The following EPX variants were observed in gnomAD, a reference collection of about 807,000 sequenced individuals.
The protein encoded by EPX is eosinophil peroxidase.
A neutral mutation model predicts 73.0 loss-of-function variants in EPX; 60 were observed. The observed-to-expected ratio is 0.82, with a 90% CI of 0.67 to 1.02. The LOEUF (loss-of-function observed/expected upper bound fraction) is 1.02, where lower values mean the gene tolerates loss of function less well. EPX is among the 50% of genes least tolerant of loss of function. The pLI, the probability that EPX is intolerant of heterozygous loss-of-function variation, is 0.00. For synonymous variants in EPX, 347 were observed against 389.2 expected (o/e 0.89, Z 1.28); for missense variants, 950 against 973.9 (o/e 0.98, Z 0.33).
chr17:58,193,807 C>T lies in EPX; in HGVS notation c.440C>T (p.Thr147Ile), dbSNP rs141038476. 6.8e-6 allele frequency: 11 copies of T among 1,613,296 alleles called. No individual in the cohort carries two copies. Among genetic ancestry groups the T allele is most frequent in the Non-Finnish European group, 8.5e-7 (1 of 1,179,610 alleles). The stretch of plus-strand genomic sequence containing the variant: ...GAGCGCTGCAGCGACAAGTACCGCA[C>T]CATCACTGGACGGTGCAACAACAAG... ...QAERCSDKYR[T>I]ITGRCNNKRR... The change falls in exon 4 of 13, where the codon ACC becomes ATC. Residue 147 changes from threonine (T) to isoleucine (I), a missense_variant. Thr to Ile is a moderately conservative substitution (Grantham distance 89). Transcript: ENST00000225371.
At chr17:58,193,874 C>T in intron 4 of EPX, 43 bp downstream of exon 4, 1 of 1,600,468 alleles carries the variant, frequency 6.2e-7, no homozygotes, top group Non-Finnish European at 8.6e-7. Context: ...GCCTGGGGGA[C>T]CTCTCCCTTC....
intron 11 of EPX, 74 bp from the exon 12 acceptor site, chr17:58,204,148 C>T (rs1457100266): frequency 2.0e-6 from 2 of 987,722 alleles, no homozygotes; most frequent in East Asian, 2.4e-5. Flanking sequence ...TGTAAAGTAC[C>T]TGGCACACAA....
Position 58,199,723 on chromosome 17 carries a change from G to T in EPX, c.1466G>T (p.Arg489Leu), listed in dbSNP as rs370170164. ...ATGTTCCGCTTGGACAGTCAGTACCGGGCCTCCGCACCCAACTCGCATGTC... is the reference window on the plus strand; with the variant it reads ...ATGTTCCGCTTGGACAGTCAGTACCTGGCCTCCGCACCCAACTCGCATGTC... Reference protein sequence around the residue: ...PFMFRLDSQYRASAPNSHVPL... With the variant: ...PFMFRLDSQYLASAPNSHVPL... Residue 489 changes from arginine (R) to leucine (L), a missense_variant, in exon 9 of 13, where the codon CGG becomes CTG. By Grantham distance (102) the Arg-to-Leu change is moderately radical (BLOSUM62 -2). Coordinates refer to ENST00000225371, the MANE Select transcript of EPX (RefSeq NM_000502.6). The T allele has an allele frequency of 6.2e-7, 1 of 1,614,206 alleles. No homozygotes were observed. Among genetic ancestry groups the T allele is most frequent in the African/African-American group, 1.3e-5 (1 of 75,060 alleles).
chr17:58,193,773 G>C lies in EPX; in HGVS notation c.406G>C (p.Asp136His). The C allele has an allele frequency of 6.2e-7, 1 of 1,612,942 alleles. No homozygotes were observed. Among genetic ancestry groups the C allele is most frequent in the South Asian group, 1.1e-5 (1 of 91,014 alleles). Reference protein sequence around the residue: ...LSQASGCALRDQAERCSDKYR... With the variant: ...LSQASGCALRHQAERCSDKYR... ...CCAGGCCAGTGGCTGTGCTCTCCGG[G>C]ACCAGGCCGAGCGCTGCAGCGACAA... The change falls in exon 4 of 13, where the codon GAC becomes CAC. Residue 136 changes from aspartate (D) to histidine (H), a missense_variant. Transcript: ENST00000225371.
Position 58,194,047 on chromosome 17 carries a change from C to T in EPX, c.549C>T (p.Phe183=), listed in dbSNP as rs566700181. The T allele has an allele frequency of 1.7e-5, 28 of 1,613,466 alleles. 1 individual carries two copies. The highest frequency in any genetic ancestry group is 9.3e-5 in the African/African-American group (7 of 75,064). Residue 183 remains phenylalanine, a synonymous_variant, in exon 5 of 13, where the codon TTC becomes TTT. Transcript: ENST00000225371. ...AEYEDGLSLP[F]GWTPSRRRNG... The stretch of plus-strand genomic sequence containing the variant: ...ATGAGGATGGGCTGTCGCTCCCCTT[C>T]GGCTGGACCCCCAGCAGGAGGCGCA...
At position 58,204,268 on chromosome 17, in the gene EPX, G is replaced by T. The variant is rs1968395398; in HGVS notation, c.1993G>T (p.Ala665Ser). 6.2e-7 allele frequency: 1 copy of T among 1,614,010 alleles called. No homozygotes were observed. Among genetic ancestry groups the T allele is most frequent in the Non-Finnish European group, 8.5e-7 (1 of 1,180,016 alleles). The change falls in exon 12 of 13, where the codon GCC becomes TCC. Residue 665 changes from alanine to serine, a missense_variant. Physicochemically the swap from Ala to Ser is moderately conservative, Grantham distance 99. Coordinates refer to ENST00000225371, the MANE Select transcript of EPX (RefSeq NM_000502.6). ...RGVFTKRQRK[A>S]LSRISLSRII... Reference sequence around the variant, plus strand: ...TGTTTTCACCAAAAGACAGCGCAAGGCCCTGAGCAGAATTTCCTTGTCTCG... The same window carrying T: ...TGTTTTCACCAAAAGACAGCGCAAGTCCCTGAGCAGAATTTCCTTGTCTCG...
chr17:58,198,653 C>T (rs774515351), intron 7 of EPX, among the ~76,000 whole-genome samples: 4 of 152,306 alleles, frequency 2.6e-5, no homozygotes, highest in African/African-American at 7.2e-5. Flanking sequence ...GCAGAGAACA[C>T]GCAGGCAGAT....
intron 1 of EPX, 29 bp from the exon 2 acceptor site, chr17:58,193,009 G>A (rs775092676): frequency 6.3e-7 from 1 of 1,595,200 alleles, no homozygotes; most frequent in African/African-American, 1.3e-5. Context: ...GTGGCTTGCT[G>A]AACCCTGAGT....
At chr17:58,195,511 C>A (rs142890232) in intron 6 of EPX, among the ~76,000 whole-genome samples, 1 of 152,310 alleles carries the variant, frequency 6.6e-6, no homozygotes, top group African/African-American at 2.4e-5. Context: ...CCCTTCTCTC[C>A]TTCCCAGAGT....
intron 10 of EPX, 136 bp downstream of exon 10, chr17:58,200,531 A>G (rs1203795699): frequency 1.7e-5 from 15 of 908,910 alleles, no homozygotes; most frequent in African/African-American, 1.3e-4. Context: ...ATGCAAGGCC[A>G]AGGTCGATGT....
Position 58,199,718 on chromosome 17 carries a change from G to A in EPX, c.1461G>A (p.Gln487=), listed in dbSNP as rs769828553. The change falls in exon 9 of 13, where the codon CAG becomes CAA. Residue 487 remains glutamine, a synonymous_variant. Transcript: ENST00000225371. ...CCTTCATGTTCCGCTTGGACAGTCA[G>A]TACCGGGCCTCCGCACCCAACTCGC... The part of the protein sequence containing the change: ...LQPFMFRLDS[Q]YRASAPNSHV... The A allele has an allele frequency of 2.5e-6, 4 of 1,614,226 alleles. No individual in the cohort carries two copies. Among genetic ancestry groups the A allele is most frequent in the Admixed American group, 3.3e-5 (2 of 60,034 alleles).
At position 58,199,589 on chromosome 17, in the gene EPX, C is replaced by T. The variant is rs1968310151; in HGVS notation, c.1332C>T (p.Ala444=). The change falls in exon 9 of 13, where the codon GCC becomes GCT. Residue 444 remains alanine (A), a synonymous_variant. Coordinates refer to ENST00000225371, the MANE Select transcript of EPX (RefSeq NM_000502.6). The part of the protein sequence containing the change: ...FLPLVLGKAR[A]RRTLGHYRGY... The stretch of plus-strand genomic sequence containing the variant: ...CCCTGGTTCTGGGCAAGGCCCGGGC[C>T]AGGAGAACCCTGGGGCACTACAGGG... 4.3e-6 allele frequency: 7 copies of T among 1,614,182 alleles called. No homozygotes were observed. Among genetic ancestry groups the T allele is most frequent in the Non-Finnish European group, 5.1e-6 (6 of 1,180,012 alleles).
Position 58,203,120 on chromosome 17 carries a change from C to T in EPX, c.1748C>T (p.Pro583Leu). The change falls in exon 11 of 13, where the codon CCC (proline) becomes CTC (leucine). Residue 583 changes from proline to leucine, a missense_variant. Physicochemically the swap from Pro to Leu is moderately conservative, Grantham distance 98. Coordinates refer to ENST00000225371, the MANE Select transcript of EPX (RefSeq NM_000502.6). ...AGGCGCTTCTGTGGGCTCTCCCAGC[C>T]CCGGAATTTGGCACAGCTTAGCCGG... ...AWRRFCGLSQ[P>L]RNLAQLSRVL... 6.2e-7 allele frequency: 1 copy of T among 1,614,142 alleles called. No individual in the cohort carries two copies. Among genetic ancestry groups the T allele is most frequent in the Non-Finnish European group, 8.5e-7 (1 of 1,180,030 alleles).
intron 10 of EPX, 138 bp from the exon 11 acceptor site, chr17:58,202,943 G>T: frequency 1.4e-6 from 1 of 714,012 alleles, no homozygotes. Context: ...AAGCTCTAGG[G>T]ACTCTTCTGC....
intron 5 of EPX, 47 bp downstream of exon 5, chr17:58,194,139 CG>C: frequency 6.3e-7 from 1 of 1,598,078 alleles, no homozygotes. Flanking sequence ...CTCTTAAATG[CG>C]GGGAGTAAAA....
intron 11 of EPX, 151 bp downstream of exon 11, chr17:58,203,469 A>C (rs1968370288): frequency 6.9e-6 from 5 of 720,318 alleles, no homozygotes; most frequent in Non-Finnish European, 1.2e-5. Flanking sequence ...CTCTCTGAAA[A>C]GCTGGGTCAA....
intron 2 of EPX, 36 bp from the exon 3 acceptor site, chr17:58,193,335 C>A: frequency 6.2e-7 from 1 of 1,611,496 alleles, no homozygotes; most frequent in Non-Finnish European, 8.5e-7. Flanking sequence ...GGGTCTGCAC[C>A]CTCTCTCCAG....
chr17:58,199,016 A>C (rs1968300422), intron 7 of EPX, 24 bp from the exon 8 acceptor site: 1 of 1,612,124 alleles, frequency 6.2e-7, no homozygotes, highest in Non-Finnish European at 8.5e-7. Context: ...AGGCTGCAGT[A>C]AATCTGAGCT....
Position 58,196,997 on chromosome 17 carries a change from C to T in EPX, c.860C>T (p.Ser287Leu), listed in dbSNP as rs778223422. ...CGTGACTGCATCCCTTTCTTCCGCT[C>T]GGCACCCTCATGCCCCCAAAACAAG... ...NQRDCIPFFR[S>L]APSCPQNKNR... The change falls in exon 7 of 13, where the codon TCG becomes TTG. Residue 287 changes from serine (S) to leucine (L), a missense_variant. Transcript: ENST00000225371. 1.8e-5 allele frequency: 29 copies of T among 1,614,120 alleles called. No individual in the cohort carries two copies. Among genetic ancestry groups the T allele is most frequent in the Non-Finnish European group, 2.4e-5 (28 of 1,180,008 alleles).
Sources: gnomAD v4.1 joint callset for allele counts (sites outside exome capture counted in the v4.1 genomes callset) on GRCh38, gnomAD v4.1.1 for gene constraint, MANE v1.5 for transcripts, NCBI Gene and HGNC (gene_info 2026-07-23, HGNC 2026-07-21) for gene names.